SPG11: variants seen among roughly 807,000 people sequenced by gnomAD.
SPG11 encodes the protein SPG11 vesicle trafficking associated, spatacsin.
SPG11 carries 222 observed loss-of-function variants against 274.0 expected under a neutral mutation model. The observed-to-expected ratio is 0.81, with a 90% CI of 0.73 to 0.91. SPG11 has a LOEUF of 0.91. Ranked by LOEUF, SPG11 falls within the 40% of genes least tolerant of loss-of-function variation. SPG11 has a pLI of 0.00. For missense variants in SPG11, 3,114 were observed against 2,872.7 expected, an observed-to-expected ratio of 1.08 and a Z score of -1.92; for synonymous variants, 1,144 against 1,039.7, an observed-to-expected ratio of 1.10 and a Z score of -1.93.
In SPG11 at chr15:44,648,954, A is replaced by G; in HGVS notation, c.1514T>C (p.Leu505Pro). The G allele has an allele frequency of 6.2e-7, 1 of 1,614,046 alleles. No homozygotes were observed. The highest frequency in any genetic ancestry group is 8.5e-7 in the Non-Finnish European group (1 of 1,179,894). Residue 505 changes from leucine (L) to proline (P), a missense_variant, in exon 7 of 40, where the codon CTC becomes CCC. Transcript: ENST00000261866. ...GLTQEEFLNR[L>P]MIHGSASTVD... is the part of the protein sequence containing the mutation. ...AGTGCTGGCACTTCCATGGATCATG[A>G]GTCTGTTTAAAAACTCTTCTTGAGT... is the stretch of plus-strand genomic sequence containing the variant.
intron 20 of SPG11, chr15:44,604,225 C>A: frequency 2.5e-6 from 1 of 397,948 alleles, no homozygotes; most frequent in Non-Finnish European, 4.9e-6. Context: ...GCTTGAAGAC[C>A]CTGGAGGTAT....
chr15:44,609,163 C>T (rs112248559), intron 18 of SPG11, among the ~76,000 whole-genome samples: 24 of 152,084 alleles, frequency 1.6e-4, no homozygotes, highest in African/African-American at 3.6e-4. Flanking sequence ...CGGAGTCTCA[C>T]TCTGTGGGCC....
chr15:44,572,980 C>CGT (rs1256111244), intron 32 of SPG11, among the ~76,000 whole-genome samples, 160 bp from the exon 33 acceptor site: 44 of 83,302 alleles, frequency 5.3e-4, no homozygotes, highest in African/African-American at 2.1e-3. Flanking sequence ...GACAGGAGTT[C>CGT]TTTTTTTTTT....
chr15:44,564,244 C>T (rs1481086961), intron 39 of SPG11, among the ~76,000 whole-genome samples: 3 of 152,010 alleles, frequency 2.0e-5, no homozygotes, highest in Admixed American at 6.6e-5. Flanking sequence ...CCTCCCGCCT[C>T]GGCCTCCCAT....
In SPG11 at chr15:44,562,937, T is replaced by C; in HGVS notation, c.*184A>G. ...TGGATGAACAATCATCTAAAATCAA[T>C]CTATTTTAAATAGGAATTTCCTCCT... On this transcript the variant is annotated 3_prime_UTR_variant, in exon 40 of 40. Coordinates refer to ENST00000261866, the MANE Select transcript of SPG11 (RefSeq NM_025137.4). The C allele has an allele frequency of 1.7e-6, 1 of 596,620 alleles. No individual in the cohort carries two copies. Among genetic ancestry groups the C allele is most frequent in the Non-Finnish European group, 3.0e-6 (1 of 337,802 alleles). The allele number at this position is 596,620 out of a possible 1,614,324, so 37.0% of individuals were successfully genotyped here.
chr15:44,656,104 G>A lies in SPG11; in HGVS notation c.869+991C>T, dbSNP rs114990477. ...AGGGATGGGCCTTCATAGGAGGCAAGGTCATCCAAGAAAAGTTGGGAATAA... is the reference window on the plus strand; with the variant it reads ...AGGGATGGGCCTTCATAGGAGGCAAAGTCATCCAAGAAAAGTTGGGAATAA... On this transcript the variant is annotated intron_variant, in intron 4 of 39. Coordinates refer to ENST00000261866, the MANE Select transcript of SPG11 (RefSeq NM_025137.4). Among the ~76,000 whole-genome samples, 1,097 of 152,188 alleles carry A rather than the reference G, an allele frequency of 7.2e-3. 15 individuals carry two copies. Among genetic ancestry groups the A allele is most frequent in the African/African-American group, 0.023 (960 of 41,512 alleles).
intron 20 of SPG11, among the ~76,000 whole-genome samples, chr15:44,603,275 T>C (rs2083241731): frequency 6.6e-6 from 1 of 152,172 alleles, no homozygotes; most frequent in African/African-American, 2.4e-5. Flanking sequence ...TAATTTTTTG[T>C]AGAGACAGTG....
chr15:44,646,529 CCCTT>C (rs1225518626), intron 7 of SPG11, among the ~76,000 whole-genome samples: 1 of 152,146 alleles, frequency 6.6e-6, no homozygotes, highest in Non-Finnish European at 1.5e-5. Context: ...TCACCTCCCT[CCCTT>C]GACACATGGG....
At chr15:44,586,625 T>C (rs560083059) in intron 28 of SPG11, among the ~76,000 whole-genome samples, 35 of 151,820 alleles carry the variant, frequency 2.3e-4, no homozygotes, top group Middle Eastern at 3.4e-3. Flanking sequence ...GCCTGGGCAA[T>C]AGAGTGAGAC....
chr15:44,575,128 A>C (rs2082507456), intron 30 of SPG11, 87 bp from the exon 31 acceptor site: 2 of 1,541,064 alleles, frequency 1.3e-6, no homozygotes, highest in Non-Finnish European at 1.8e-6. Context: ...CTCTGCTTGA[A>C]GCTCCCTGCA....
In SPG11 at chr15:44,563,251, A is replaced by G. The variant is rs139812925; in HGVS notation, c.7202T>C (p.Leu2401Ser). 1.4e-5 allele frequency: 22 copies of G among 1,613,910 alleles called. No homozygotes were observed. The Admixed American group carries it at 3.0e-4, about 22-fold the overall frequency. Residue 2401 changes from leucine (L) to serine (S), a missense_variant, in exon 40 of 40, where the codon TTA (leucine) becomes TCA (serine). Physicochemically the swap from Leu to Ser is moderately radical, Grantham distance 145. Coordinates refer to ENST00000261866, the MANE Select transcript of SPG11 (RefSeq NM_025137.4). ...TDMVMENLKK[L>S]LTYCEDVYLY... The stretch of plus-strand genomic sequence containing the variant: ...GTAAACATCTTCACAATATGTGAGT[A>G]ATTTCTTCAGGTTTTCCATGACCAT...
At chr15:44,596,742 TC>T in intron 24 of SPG11, 41 bp downstream of exon 24, 1 of 1,550,490 alleles carries the variant, frequency 6.4e-7, no homozygotes, top group Non-Finnish European at 8.8e-7. Context: ...TAAGAAGTGT[TC>T]CTATTTCCTT....
chr15:44,614,517 C>T (rs925103179), intron 16 of SPG11, among the ~76,000 whole-genome samples: 9 of 152,174 alleles, frequency 5.9e-5, no homozygotes, highest in African/African-American at 2.2e-4. Flanking sequence ...AGCCACCGTG[C>T]CCGGCCAATT....
chr15:44,623,128 T>C (rs2083800655), intron 11 of SPG11, among the ~76,000 whole-genome samples: 1 of 152,070 alleles, frequency 6.6e-6, no homozygotes, highest in Non-Finnish European at 1.5e-5. Context: ...TTTGTATTTT[T>C]TGTAGAGATG....
intron 2 of SPG11, among the ~76,000 whole-genome samples, chr15:44,659,527 G>A (rs2085041383): frequency 6.6e-6 from 1 of 152,086 alleles, no homozygotes; most frequent in African/African-American, 2.4e-5. Context: ...ATTTATGCTA[G>A]TCTGACAGCA....
intron 15 of SPG11, among the ~76,000 whole-genome samples, chr15:44,617,725 G>GA (rs1595886174): frequency 6.6e-6 from 1 of 152,122 alleles, no homozygotes. Context: ...TCCCAGGCTG[G>GA]AGTTCAGTGG....
intron 30 of SPG11, among the ~76,000 whole-genome samples, chr15:44,579,510 G>A (rs1250737761): frequency 7.9e-6 from 1 of 126,820 alleles, no homozygotes; most frequent in Admixed American, 9.2e-5. Flanking sequence ...ATGGGCGATA[G>A]AGTGAGACTC....
rs1470795420 is a variant in SPG11, at chr15:44,659,196, C to T, written c.550G>A (p.Ala184Thr). ...GTGAAACAGTTGAGTACTCTAATTGCAGCATCTCTTTCAGGAAATATAATA... is the reference window on the plus strand; with the variant it reads ...GTGAAACAGTTGAGTACTCTAATTGTAGCATCTCTTTCAGGAAATATAATA... ...LHIIFPERDA[A>T]IRVLNCFTLP... The change falls in exon 3 of 40, where the codon GCA becomes ACA. Residue 184 changes from alanine (A) to threonine (T), a missense_variant. Physicochemically the swap from Ala to Thr is moderately conservative, Grantham distance 58 (BLOSUM62 0). Coordinates refer to ENST00000261866, the MANE Select transcript of SPG11 (RefSeq NM_025137.4). 1.9e-6 allele frequency: 3 copies of T among 1,613,998 alleles called. No homozygotes were observed. The African/African-American group carries it at 4.0e-5, about 22-fold the overall frequency.
intron 35 of SPG11, among the ~76,000 whole-genome samples, chr15:44,568,319 G>A (rs569581239): frequency 1.4e-4 from 22 of 152,186 alleles, no homozygotes; most frequent in Non-Finnish European, 2.5e-4. Flanking sequence ...AAAAACCCTT[G>A]GGGGATCTTG....
Sources: allele counts gnomAD v4.1 joint callset (sites outside exome capture counted in the v4.1 genomes callset), GRCh38; gene constraint gnomAD v4.1.1; transcripts MANE v1.5; gene names NCBI Gene and HGNC (gene_info 2026-07-23, HGNC 2026-07-21).